Variants in PLCH2 observed in about 807,000 individuals in gnomAD.
The protein encoded by PLCH2 is 1-phosphatidylinositol 4,5-bisphosphate phosphodiesterase eta-2.
A neutral mutation model predicts 134.7 loss-of-function variants in PLCH2; 98 were observed. The observed-to-expected ratio is 0.73, with a 90% confidence interval of 0.62 to 0.86. The LOEUF is 0.86. Among genes scored for constraint, PLCH2 ranks in the 40% least tolerant of loss-of-function variants. The pLI is 0.00. For missense variants in PLCH2, 1,994 were observed against 1,986.6 expected (o/e 1.00, Z -0.07); for synonymous variants, 974 against 827.5 (o/e 1.18, Z -3.04).
intron 2 of PLCH2, among the ~76,000 whole-genome samples, chr1:2,458,555 C>T (rs1003489162): frequency 1.3e-5 from 2 of 152,146 alleles, no homozygotes; most frequent in African/African-American, 4.8e-5. Context: ...CGGGTGGACC[C>T]AGTGGGTCCA....
At chr1:2,442,510 C>T (rs1639737133) in intron 2 of PLCH2, among the ~76,000 whole-genome samples, 1 of 152,254 alleles carries the variant, frequency 6.6e-6, no homozygotes, top group African/African-American at 2.4e-5. Flanking sequence ...CCTTTCCTCT[C>T]CCTGGCAGGC....
chr1:2,502,270 C>A lies in PLCH2; in HGVS notation c.2820C>A (p.Gly940=). The change falls in exon 21 of 22, where the codon GGC becomes GGA. Residue 940 remains glycine (G), a synonymous_variant. Coordinates refer to ENST00000378486, the MANE Select transcript of PLCH2 (RefSeq NM_014638.4). ...CCCCGACCAAGAGCCAGAAGCCGGG[C>A]CGCAGGGGCTTCCCGGAGCTGGTCC... The part of the protein sequence containing the change: ...ASAPTKSQKP[G]RRGFPELVLG... 6.5e-7 allele frequency: 1 copy of A among 1,540,162 alleles called. No homozygotes were observed.
chr1:2,505,108 C>T lies in PLCH2; in HGVS notation c.4146C>T (p.Ala1382=). ...PEEERGTPEG[A]CSVGHEGSVD... ...AGGAGCGGGGCACCCCCGAGGGCGC[C>T]TGCTCCGTGGGCCACGAGGGCAGTG... Residue 1382 remains alanine (A), a synonymous_variant, in exon 22 of 22, where the codon GCC becomes GCT. Transcript: ENST00000378486. 6.5e-7 allele frequency: 1 copy of T among 1,544,562 alleles called. No homozygotes were observed. The highest frequency in any genetic ancestry group is 8.7e-7 in the Non-Finnish European group (1 of 1,153,532).
At position 2,436,203 on chromosome 1, in the gene PLCH2, C is replaced by G. The variant is rs1570240755; in HGVS notation, c.115+5574C>G. On this transcript the variant is annotated intron_variant, in intron 2 of 3. Transcript: ENST00000609981. Reference sequence around the variant, plus strand: ...TCCCTCCTTCCTTCCTCTGTTTCCTCCTCCCTCCTTCCTTCCTGCCTCCTC... The same window carrying G: ...TCCCTCCTTCCTTCCTCTGTTTCCTGCTCCCTCCTTCCTTCCTGCCTCCTC... Among the ~76,000 whole-genome samples, 5 of 131,184 alleles carry G rather than the reference C, an allele frequency of 3.8e-5. No individual in the cohort carries two copies. The South Asian group carries it at 8.4e-4, about 22-fold the overall frequency. The allele number at this position is 131,184 out of a possible 152,430, so 86.1% of individuals were successfully genotyped here.
chr1:2,449,132 A>ACCCCCTCCCCCCCCCCC (rs1553241894), intron 2 of PLCH2, among the ~76,000 whole-genome samples: 1 of 142,274 alleles, frequency 7.0e-6, no homozygotes, highest in African/African-American at 2.6e-5. Context: ...CAGATTCAGC[A>ACCCCCTCCCCCCCCCCC]CCCCCACCCC....
upstream of PLCH2, among the ~76,000 whole-genome samples, chr1:2,467,096 C>G (rs1012520929): frequency 2.0e-5 from 3 of 152,060 alleles, no homozygotes; most frequent in African/African-American, 7.2e-5. Flanking sequence ...ACCAGAGGGT[C>G]CCTGTGGTGG....
chr1:2,489,373 G>A lies in PLCH2; in HGVS notation c.1402G>A (p.Val468Met), dbSNP rs756323592. The change falls in exon 9 of 22, where the codon GTG (valine) becomes ATG (methionine). Residue 468 changes from valine to methionine, a missense_variant. Val to Met is a conservative substitution (Grantham distance 21, BLOSUM62 1). Transcript: ENST00000378486. Reference sequence around the variant, plus strand: ...ACAGATGCTCAAGGGCAAGATCCTCGTGAAGGTGAGTGAGCCCCTGCCCTC... The same window carrying A: ...ACAGATGCTCAAGGGCAAGATCCTCATGAAGGTGAGTGAGCCCCTGCCCTC... ...SPQMLKGKIL[V>M]KGKKLPANIS... The A allele has an allele frequency of 3.7e-6, 6 of 1,613,350 alleles. No homozygotes were observed. The highest frequency in any genetic ancestry group is 2.2e-5 in the South Asian group (2 of 91,080).
upstream of PLCH2, among the ~76,000 whole-genome samples, chr1:2,472,992 G>A (rs1407775458): frequency 6.6e-6 from 1 of 152,112 alleles, no homozygotes; most frequent in African/African-American, 2.4e-5. Context: ...CAGGGGAGAG[G>A]CGGAGATGCT....
chr1:2,462,441 C>T (rs983345356), intron 2 of PLCH2, among the ~76,000 whole-genome samples: 11 of 148,234 alleles, frequency 7.4e-5, no homozygotes, highest in Non-Finnish European at 1.6e-4. Flanking sequence ...ACCCCTCTGC[C>T]TGACACCCCT....
In PLCH2 at chr1:2,487,003, G is replaced by A; in HGVS notation, c.910+3G>A. The A allele has an allele frequency of 6.3e-7, 1 of 1,589,484 alleles. No individual in the cohort carries two copies. The highest frequency in any genetic ancestry group is 1.3e-5 in the African/African-American group (1 of 74,444). On this transcript the variant is annotated splice_donor_region_variant and intron_variant, in intron 6 of 21. Transcript: ENST00000378486. ...TAAGGGGCTGCTGGGCATTGATGGTGAGTGGGGCGCTGCCCTCAGCCCAGC... is the reference window on the plus strand; with the variant it reads ...TAAGGGGCTGCTGGGCATTGATGGTAAGTGGGGCGCTGCCCTCAGCCCAGC...
Position 2,504,179 on chromosome 1 carries a change from G to A in PLCH2, c.3217G>A (p.Gly1073Ser), listed in dbSNP as rs755262731. Reference protein sequence around the residue: ...GAGGAYERAPGSQTDGRSQPR... With the variant: ...GAGGAYERAPSSQTDGRSQPR... ...CGGCGGGGCATACGAGAGGGCCCCC[G>A]GCAGCCAGACGGACGGCAGGAGCCA... The change falls in exon 22 of 22, where the codon GGC becomes AGC. Residue 1073 changes from glycine (G) to serine (S), a missense_variant. This residue lies in a region of PLCH2 where 900 missense variants were observed against 752.3 expected (regional missense o/e 1.20). Transcript: ENST00000378486. 338 of 1,539,168 alleles carry A rather than the reference G, an allele frequency of 2.2e-4. No individual in the cohort carries two copies. The highest frequency in any genetic ancestry group is 3.6e-4 in the Middle Eastern group (2 of 5,584).
In PLCH2 at chr1:2,444,052, G is replaced by C. The variant is rs1182235841; in HGVS notation, c.115+13423G>C. Reference sequence around the variant, plus strand: ...CGCGGGGGCGCCGCAGCCCTGGTGCGGGTCGGGGCTGAGCCGCCTGGGCTT... The same window carrying C: ...CGCGGGGGCGCCGCAGCCCTGGTGCCGGTCGGGGCTGAGCCGCCTGGGCTT... On this transcript the variant is annotated intron_variant, in intron 2 of 3. Coordinates refer to the PLCH2 transcript ENST00000609981. This position sits in a 1 kb window ranked among gnomAD's most constrained non-coding sequence, Gnocchi z 4.6. Among the ~76,000 whole-genome samples the C allele has an allele frequency of 1.3e-5, 2 of 152,188 alleles. No individual in the cohort carries two copies. The highest frequency in any genetic ancestry group is 2.9e-5 in the Non-Finnish European group (2 of 68,010).
At chr1:2,429,895 C>G (rs528861632) in intron 1 of PLCH2, among the ~76,000 whole-genome samples, 1 of 152,168 alleles carries the variant, frequency 6.6e-6, no homozygotes, top group African/African-American at 2.4e-5. Context: ...TCAGAGACAC[C>G]CCAGGCACCT....
chr1:2,425,006 A>C (rs866193901), upstream of PLCH2, among the ~76,000 whole-genome samples: 1 of 151,558 alleles, frequency 6.6e-6, no homozygotes, highest in Non-Finnish European at 1.5e-5. Context: ...AAAACAAAAA[A>C]CACAAAATTA....
At chr1:2,482,612 G>A (rs564455873) in intron 4 of PLCH2, among the ~76,000 whole-genome samples, 1 of 152,356 alleles carries the variant, frequency 6.6e-6, no homozygotes, top group Admixed American at 6.5e-5. Flanking sequence ...AGCCGTGGGT[G>A]TAGGGCGTGT....
At chr1:2,468,354 A>G (rs1641169130) in intron 1 of PLCH2, among the ~76,000 whole-genome samples, 1 of 152,190 alleles carries the variant, frequency 6.6e-6, no homozygotes, top group African/African-American at 2.4e-5. Flanking sequence ...CTGACCTGGG[A>G]GCCGGACATT....
upstream of PLCH2, among the ~76,000 whole-genome samples, chr1:2,465,316 C>T (rs2494634): frequency 0.45 from 68,401 of 152,068 alleles, 16,057 homozygotes; most frequent in East Asian, 0.59. Context: ...TCCCAGAAAG[C>T]GGGGCTGAGG....
At chr1:2,478,663 G>A in intron 2 of PLCH2, 41 bp downstream of exon 2, 1 of 1,565,738 alleles carries the variant, frequency 6.4e-7, no homozygotes, top group Non-Finnish European at 8.7e-7. Context: ...CAGAGTCCCT[G>A]GGGGGACACG....
intron 2 of PLCH2, among the ~76,000 whole-genome samples, chr1:2,449,558 C>T (rs929701329): frequency 4.6e-5 from 7 of 152,218 alleles, no homozygotes; most frequent in African/African-American, 4.8e-5. Context: ...TGTCAAGGCC[C>T]ACACTTGAGG....
Sources: allele counts gnomAD v4.1 joint callset (sites outside exome capture counted in the v4.1 genomes callset), GRCh38; gene constraint gnomAD v4.1.1; regional missense constraint gnomAD v4.1.1; non-coding constraint Gnocchi (gnomAD v3.1); transcripts MANE v1.5; gene names NCBI Gene and HGNC (gene_info 2026-07-23, HGNC 2026-07-21).